Variants in DNAH9 observed in about 807,000 individuals in gnomAD.
DNAH9 encodes DNAH9 variant protein.
In DNAH9, 345 loss-of-function variants were observed where a neutral mutation model predicts 471.6. That is an observed-to-expected ratio of 0.73 (90% CI 0.67 to 0.80). The LOEUF (loss-of-function observed/expected upper bound fraction) is 0.80, where lower values mean the gene tolerates loss of function less well. Ranked by LOEUF, DNAH9 falls within the 30% of genes least tolerant of loss-of-function variation. The probability of loss-of-function intolerance (pLI) is 0.00; values close to 1 mark genes in which losing one functional copy is unlikely to be tolerated. For missense variants in DNAH9, 5,407 were observed against 5,609.2 expected (o/e 0.96, Z 1.15); for synonymous variants, 2,093 against 2,123.6 (o/e 0.99, Z 0.40).
intron 27 of DNAH9, among the ~76,000 whole-genome samples, chr17:11,722,344 C>T (rs1236072908): frequency 6.6e-6 from 1 of 152,092 alleles, no homozygotes; most frequent in Admixed American, 6.5e-5. Context: ...GGCTTCGGAA[C>T]TGGAGCAAAA....
chr17:11,883,858 C>T, intron 56 of DNAH9, 108 bp downstream of exon 56: 1 of 1,251,032 alleles, frequency 8.0e-7, no homozygotes, highest in Middle Eastern at 2.8e-4. Context: ...GTCAAAGTAA[C>T]ACATGGCTTT....
chr17:11,915,091 A>G (rs954757899), intron 61 of DNAH9, among the ~76,000 whole-genome samples: 13 of 152,262 alleles, frequency 8.5e-5, no homozygotes, highest in African/African-American at 3.1e-4. Context: ...CTGAATCACC[A>G]TAGTCTTTCA....
intron 8 of DNAH9, among the ~76,000 whole-genome samples, chr17:11,633,968 G>A (rs578216665): frequency 9.9e-5 from 15 of 152,198 alleles, no homozygotes; most frequent in Admixed American, 7.2e-4. Flanking sequence ...TTCTTCTGAT[G>A]GTCCCCACCA....
chr17:11,759,236 A>G (rs574358064), intron 35 of DNAH9, among the ~76,000 whole-genome samples: 7 of 151,994 alleles, frequency 4.6e-5, no homozygotes, highest in Non-Finnish European at 8.8e-5. Flanking sequence ...AATAGCATAC[A>G]TTGTATCCAA....
chr17:11,633,596 T>C (rs2073107841), intron 8 of DNAH9, among the ~76,000 whole-genome samples: 1 of 152,248 alleles, frequency 6.6e-6, no homozygotes, highest in African/African-American at 2.4e-5. Flanking sequence ...ATCAATACCG[T>C]AATTCACATT....
chr17:11,801,269 A>T (rs1728887643), intron 43 of DNAH9, among the ~76,000 whole-genome samples: 1 of 152,304 alleles, frequency 6.6e-6, no homozygotes, highest in Admixed American at 6.5e-5. Flanking sequence ...AGCTTCTTCA[A>T]ATATTTTTTT....
At position 11,759,976 on chromosome 17, in the gene DNAH9, G is replaced by A. The variant is rs375943599; in HGVS notation, c.6995+2284G>A. Among the ~76,000 whole-genome samples the A allele has an allele frequency of 1.6e-4, 24 of 152,092 alleles. 1 individual carries two copies. Among genetic ancestry groups the A allele is most frequent in the Middle Eastern group, 3.4e-3 (1 of 292 alleles). ...GCTGGGATTACAGGCGTGAGCCACC[G>A]CACCCAGCCTAATTTTTGTATTTTT... On this transcript the variant is annotated intron_variant, in intron 35 of 68. Coordinates refer to ENST00000262442, the MANE Select transcript of DNAH9 (RefSeq NM_001372.4).
rs570313048 is a variant in DNAH9, at chr17:11,947,440, C to A, written c.12843+4955C>A. 9.2e-5 allele frequency among the ~76,000 whole-genome samples: 14 copies of A among 152,220 alleles called. 1 individual carries two copies. The highest frequency in any genetic ancestry group is 3.4e-4 in the African/African-American group (14 of 41,530). On this transcript the variant is annotated intron_variant, in intron 67 of 68. Transcript: ENST00000262442. ...TACAGTAGCCATTAATGACAGGTGC[C>A]TACTGAGCCTTGAAATGGAATAGTC...
At chr17:11,667,033 C>T (rs1352519609) in intron 15 of DNAH9, among the ~76,000 whole-genome samples, 1 of 152,182 alleles carries the variant, frequency 6.6e-6, no homozygotes, top group Non-Finnish European at 1.5e-5. Context: ...TGCACCAACA[C>T]TGTGGAACCA....
intron 6 of DNAH9, among the ~76,000 whole-genome samples, chr17:11,625,548 G>C (rs2072954280): frequency 1.3e-5 from 2 of 152,160 alleles, no homozygotes; most frequent in African/African-American, 2.4e-5. Flanking sequence ...TCTGCTTTGT[G>C]CTCTCCCTTA....
chr17:11,605,295 A>G (rs1435112146), intron 1 of DNAH9, among the ~76,000 whole-genome samples: 5 of 152,132 alleles, frequency 3.3e-5, no homozygotes, highest in Non-Finnish European at 7.4e-5. Flanking sequence ...CACATGCTTT[A>G]TCTTTATTCA....
intron 67 of DNAH9, among the ~76,000 whole-genome samples, chr17:11,944,290 A>G (rs970033752): frequency 1.4e-4 from 21 of 152,316 alleles, no homozygotes; most frequent in Admixed American, 1.3e-4. Context: ...ACTGATATAA[A>G]GCAGGGTGAA....
At chr17:11,619,048 G>A (rs1436481386) in intron 5 of DNAH9, among the ~76,000 whole-genome samples, 1 of 152,194 alleles carries the variant, frequency 6.6e-6, no homozygotes, top group Non-Finnish European at 1.5e-5. Context: ...GGTAAGGCTG[G>A]CTTCAGCCCC....
At chr17:11,691,744 T>A (rs914662426) in intron 20 of DNAH9, among the ~76,000 whole-genome samples, 1 of 152,246 alleles carries the variant, frequency 6.6e-6, no homozygotes, top group African/African-American at 2.4e-5. Context: ...TATTTTTAAT[T>A]GGAGCAAAAT....
At chr17:11,656,116 T>C (rs1302735060) in intron 14 of DNAH9, among the ~76,000 whole-genome samples, 1 of 152,188 alleles carries the variant, frequency 6.6e-6, no homozygotes, top group Non-Finnish European at 1.5e-5. Flanking sequence ...TAGTTGTACT[T>C]TTAGTTCTTT....
chr17:11,633,239 T>C (rs2073101706), intron 8 of DNAH9, among the ~76,000 whole-genome samples: 1 of 152,178 alleles, frequency 6.6e-6, no homozygotes, highest in Admixed American at 6.5e-5. Context: ...TCGTGAGACA[T>C]GAAGACTCAG....
intron 62 of DNAH9, among the ~76,000 whole-genome samples, chr17:11,926,778 T>A (rs1348673829): frequency 6.6e-6 from 1 of 152,222 alleles, no homozygotes; most frequent in Non-Finnish European, 1.5e-5. Context: ...TACCCAGTAA[T>A]AGGATTGGTG....
At chr17:11,885,650 A>G (rs1192907078) in intron 56 of DNAH9, among the ~76,000 whole-genome samples, 1 of 152,122 alleles carries the variant, frequency 6.6e-6, no homozygotes, top group African/African-American at 2.4e-5. Context: ...GTTCTTTTTC[A>G]TAATGTCCAT....
chr17:11,720,626 GTA>G (rs2075040124), intron 27 of DNAH9, among the ~76,000 whole-genome samples: 3 of 152,174 alleles, frequency 2.0e-5, no homozygotes, highest in Admixed American at 1.3e-4. Flanking sequence ...TAAATTTAAT[GTA>G]GTTATAATTT....
Sources: gnomAD v4.1 joint callset for allele counts (sites outside exome capture counted in the v4.1 genomes callset) on GRCh38, gnomAD v4.1.1 for gene constraint, MANE v1.5 for transcripts, NCBI Gene and HGNC (gene_info 2026-07-23, HGNC 2026-07-21) for gene names.